Variants in NTN4 observed in about 807,000 individuals in gnomAD.
NTN4 encodes netrin 4, also known as netrin-4.
In NTN4, 32 loss-of-function variants were observed where a neutral mutation model predicts 73.6. The ratio of observed to expected loss-of-function variants is 0.44; its 90% CI spans 0.33 to 0.58. NTN4 has a LOEUF of 0.58. Among genes scored for constraint, NTN4 ranks in the 20% least tolerant of loss-of-function variants. NTN4 has a pLI of 0.04. For synonymous variants in NTN4, 258 were observed against 287.5 expected (o/e 0.90, Z 1.04); for missense variants, 654 against 798.3 (o/e 0.82, Z 2.18).
chr12:95,786,050 A>G (rs1238954030), intron 2 of NTN4, among the ~76,000 whole-genome samples: 1 of 152,198 alleles, frequency 6.6e-6, no homozygotes, highest in Non-Finnish European at 1.5e-5. Context: ...TCCCCAGGGA[A>G]GAGGAGCCAA....
At chr12:95,777,063 G>T (rs1029611057) in intron 2 of NTN4, among the ~76,000 whole-genome samples, 1 of 152,158 alleles carries the variant, frequency 6.6e-6, no homozygotes, top group Non-Finnish European at 1.5e-5. Flanking sequence ...GCCAAACTAA[G>T]CTTCATAAGT....
chr12:95,755,551 T>C (rs2078941881), intron 2 of NTN4, among the ~76,000 whole-genome samples: 1 of 152,228 alleles, frequency 6.6e-6, no homozygotes, highest in South Asian at 2.1e-4. Context: ...ACCAAAATCC[T>C]TTTGCTTATA....
At chr12:95,777,731 C>A (rs1454171066) in intron 2 of NTN4, among the ~76,000 whole-genome samples, 1 of 152,054 alleles carries the variant, frequency 6.6e-6, no homozygotes, top group Non-Finnish European at 1.5e-5. Flanking sequence ...ACTTTAACAC[C>A]CCACTGTCAA....
rs925291430 is a variant in NTN4 at position 95,660,451 on chromosome 12, TA to T, written c.1751-1230del. On this transcript the variant is annotated intron_variant, in intron 9 of 9. Transcript: ENST00000343702. ...AATAGGATGTTTGTTTGTCATACATTAAAAAAAAAACTAAATAAATGATAAA... is the reference window on the plus strand; with the variant it reads ...AATAGGATGTTTGTTTGTCATACATTAAAAAAAAACTAAATAAATGATAAA... Among the ~76,000 whole-genome samples, 115 of 148,482 alleles carry T rather than the reference TA, an allele frequency of 7.7e-4. 1 individual carries two copies. The highest frequency in any genetic ancestry group is 2.7e-3 in the African/African-American group (109 of 40,736).
At chr12:95,711,445 G>C (rs553068531) in intron 4 of NTN4, among the ~76,000 whole-genome samples, 4 of 152,304 alleles carry the variant, frequency 2.6e-5, no homozygotes, top group African/African-American at 7.2e-5. Flanking sequence ...GCTAAGAAAA[G>C]CTGAGATTGT....
chr12:95,741,336 T>C (rs1592697359), intron 2 of NTN4, among the ~76,000 whole-genome samples: 1 of 144,882 alleles, frequency 6.9e-6, no homozygotes. Context: ...TATTATATAT[T>C]AAATACAATT....
At position 95,729,632 on chromosome 12, in the gene NTN4, AGTGTGTGTGT is replaced by A. The variant is rs758891542; in HGVS notation, c.864+8224_864+8233del. On this transcript the variant is annotated intron_variant, in intron 3 of 9. Coordinates refer to ENST00000343702, the MANE Select transcript of NTN4 (RefSeq NM_021229.4). ...ATTATAAAGAGAGAGAGAGAGAGAG[AGTGTGTGTGT>A]GTGTGTGTGTGTGTGTGTGTGTGTG... 3.2e-3 allele frequency among the ~76,000 whole-genome samples: 403 copies of A among 124,168 alleles called. 5 individuals are homozygous for A. Among genetic ancestry groups the A allele is most frequent in the African/African-American group, 9.8e-3 (341 of 34,860 alleles). 81.5% of individuals were successfully genotyped at this position (124,168 alleles called of 152,430 possible).
In NTN4 at chr12:95,670,149, A is replaced by G; in HGVS notation, c.1511-3T>C. On this transcript the variant is annotated splice_polypyrimidine_tract_variant and splice_region_variant and intron_variant, in intron 7 of 9. Coordinates refer to ENST00000343702, the MANE Select transcript of NTN4 (RefSeq NM_021229.4). ...CTGTTCCTTACATTCGCATTTACCTATGGAAAGTAAATTAAAAATGGTGTT... is the reference window on the plus strand; with the variant it reads ...CTGTTCCTTACATTCGCATTTACCTGTGGAAAGTAAATTAAAAATGGTGTT... 6.4e-7 allele frequency: 1 copy of G among 1,557,362 alleles called. No individual in the cohort carries two copies. Among genetic ancestry groups the G allele is most frequent in the South Asian group, 1.2e-5 (1 of 83,052 alleles).
chr12:95,730,550 C>A (rs1341599149), intron 3 of NTN4, among the ~76,000 whole-genome samples: 5 of 152,098 alleles, frequency 3.3e-5, no homozygotes, highest in Admixed American at 3.3e-4. Flanking sequence ...CAATTTTTTC[C>A]ATTAAAAGAA....
At chr12:95,709,864 A>G (rs2078551000) in intron 5 of NTN4, among the ~76,000 whole-genome samples, 1 of 152,196 alleles carries the variant, frequency 6.6e-6, no homozygotes, top group African/African-American at 2.4e-5. Flanking sequence ...AGTTATGTCA[A>G]TAAAAAAGCA....
At chr12:95,715,648 A>T (rs2078599873) in intron 3 of NTN4, among the ~76,000 whole-genome samples, 1 of 152,200 alleles carries the variant, frequency 6.6e-6, no homozygotes, top group South Asian at 2.1e-4. Context: ...GAGCTGCAGG[A>T]ATTCAACTTC....
At chr12:95,704,667 G>A (rs1196251726) in intron 5 of NTN4, among the ~76,000 whole-genome samples, 1 of 152,184 alleles carries the variant, frequency 6.6e-6, no homozygotes, top group African/African-American at 2.4e-5. Flanking sequence ...TGGATGTGCT[G>A]ATAAATGTTG....
At chr12:95,669,207 A>T (rs776156198) in intron 8 of NTN4, among the ~76,000 whole-genome samples, 68 of 127,180 alleles carry the variant, frequency 5.3e-4, no homozygotes, top group Non-Finnish European at 8.9e-4. Flanking sequence ...GACTCTGTCT[A>T]AAAAAAAAAA....
At chr12:95,748,230 C>CA (rs769213172) in intron 2 of NTN4, among the ~76,000 whole-genome samples, 22,280 of 76,240 alleles carry the variant, frequency 0.29, 2,894 homozygotes, top group Non-Finnish European at 0.37. Context: ...GACTCTGTCT[C>CA]AAAAAAAAAA....
At chr12:95,672,455 A>C (rs2078240434) in intron 7 of NTN4, 1 of 1,476,600 alleles carries the variant, frequency 6.8e-7, no homozygotes, top group South Asian at 1.1e-5. Context: ...GTTGGCTATG[A>C]GTTTGACATC....
chr12:95,763,650 G>A (rs2079002909), intron 2 of NTN4, among the ~76,000 whole-genome samples: 1 of 152,152 alleles, frequency 6.6e-6, no homozygotes, highest in South Asian at 2.1e-4. Flanking sequence ...ACTAATGACG[G>A]TATTTTCTAG....
At chr12:95,662,937 C>T (rs1049957183) in intron 9 of NTN4, among the ~76,000 whole-genome samples, 23 of 152,088 alleles carry the variant, frequency 1.5e-4, no homozygotes, top group African/African-American at 5.1e-4. Context: ...GAGACCATAG[C>T]AAGACCCTGT....
chr12:95,716,892 C>T (rs1283850526), intron 3 of NTN4, among the ~76,000 whole-genome samples: 2 of 152,050 alleles, frequency 1.3e-5, no homozygotes, highest in East Asian at 1.9e-4. Context: ...TCACTGACAC[C>T]TTGAATTCCT....
At chr12:95,774,764 C>T (rs905759724) in intron 2 of NTN4, among the ~76,000 whole-genome samples, 12 of 152,180 alleles carry the variant, frequency 7.9e-5, no homozygotes, top group Admixed American at 3.3e-4. Flanking sequence ...GGCATATTAT[C>T]TACACCACAT....
Sources: allele counts gnomAD v4.1 joint callset (sites outside exome capture counted in the v4.1 genomes callset), GRCh38; gene constraint gnomAD v4.1.1; transcripts MANE v1.5; gene names NCBI Gene and HGNC (gene_info 2026-07-23, HGNC 2026-07-21).